The following SLC39A8 variants were observed in gnomAD, a reference collection of about 807,000 sequenced individuals.
SLC39A8 encodes metal cation symporter ZIP8.
A neutral mutation model predicts 40.4 loss-of-function variants in SLC39A8; 15 were observed. The observed-to-expected ratio is 0.37, with a 90% CI of 0.25 to 0.57. SLC39A8 has a LOEUF of 0.57. Ranked by LOEUF, SLC39A8 falls within the 20% of genes least tolerant of loss-of-function variation. The pLI is 0.75. For synonymous variants in SLC39A8, 223 were observed against 221.6 expected (o/e 1.01, Z -0.06); for missense variants, 472 against 558.8 (o/e 0.84, Z 1.57).
At position 102,327,192 on chromosome 4, in the gene SLC39A8, T is replaced by C. The variant is rs998103558; in HGVS notation, c.220-11362A>G. Among the ~76,000 whole-genome samples the C allele has an allele frequency of 4.6e-5, 7 of 151,854 alleles. No homozygotes were observed. The South Asian group carries it at 1.0e-3, about 23-fold the overall frequency. ...AGGAGGATCGCTTGAGCCCAGGAGG[T>C]CAAGGCTGCAGTGAGTCATGATCGT... On this transcript the variant is annotated intron_variant, in intron 2 of 8. Transcript: ENST00000356736.
intron 2 of SLC39A8, among the ~76,000 whole-genome samples, chr4:102,333,436 T>C (rs549627904): frequency 4.1e-4 from 62 of 152,272 alleles, no homozygotes; most frequent in African/African-American, 1.4e-3. Context: ...CTAAGAGATA[T>C]TTATAAGTTA....
intron 6 of SLC39A8, among the ~76,000 whole-genome samples, chr4:102,294,998 C>T (rs1733619467): frequency 6.6e-6 from 1 of 151,388 alleles, no homozygotes; most frequent in Non-Finnish European, 1.5e-5. Context: ...AGAAGGTAAA[C>T]AAACATAAGA....
At chr4:102,252,437 G>A (rs548051626) in exon 12 of SLC39A8, 80 of 152,434 alleles carry the variant, frequency 5.2e-4, no homozygotes, top group African/African-American at 1.9e-3. Flanking sequence ...AGACATCTGG[G>A]GACAGGGAGT....
intron 6 of SLC39A8, among the ~76,000 whole-genome samples, chr4:102,291,379 C>CT (rs1294041699): frequency 1.1e-4 from 16 of 151,902 alleles, no homozygotes; most frequent in Non-Finnish European, 1.5e-5. Flanking sequence ...GACCTCTCAC[C>CT]TTACCCACAG....
At position 102,329,398 on chromosome 4, in the gene SLC39A8, G is replaced by A. The variant is rs1047671531; in HGVS notation, c.220-13568C>T. Among the ~76,000 whole-genome samples the A allele has an allele frequency of 4.6e-5, 7 of 152,126 alleles. No individual in the cohort carries two copies. The East Asian group carries it at 9.7e-4, about 21-fold the overall frequency. On this transcript the variant is annotated intron_variant, in intron 2 of 8. Transcript: ENST00000356736. The stretch of plus-strand genomic sequence containing the variant: ...AGCACTTTGGGAGGCCACGGCAGGC[G>A]GATCACCTGATGTCAAGAGTTCAAG...
At chr4:102,318,089 C>T (rs761445801) in intron 2 of SLC39A8, among the ~76,000 whole-genome samples, 4 of 152,068 alleles carry the variant, frequency 2.6e-5, no homozygotes, top group Non-Finnish European at 4.4e-5. Context: ...ATGGCAGTCA[C>T]GAGCTTGAAT....
chr4:102,311,519 C>T (rs1450338185), intron 3 of SLC39A8, among the ~76,000 whole-genome samples: 4 of 151,992 alleles, frequency 2.6e-5, no homozygotes, highest in Non-Finnish European at 5.9e-5. Context: ...CAGAGTTGGA[C>T]AATATGATCT....
At chr4:102,335,866 C>A (rs1414215964) in intron 2 of SLC39A8, among the ~76,000 whole-genome samples, 1 of 152,042 alleles carries the variant, frequency 6.6e-6, no homozygotes, top group Non-Finnish European at 1.5e-5. Context: ...TCTCACTGAT[C>A]TTTTTTTTCA....
chr4:102,285,302 A>G (rs886543504), intron 6 of SLC39A8, among the ~76,000 whole-genome samples: 3 of 152,108 alleles, frequency 2.0e-5, no homozygotes, highest in African/African-American at 7.2e-5. Flanking sequence ...AAGGCAGGAG[A>G]ATGTCACCAC....
At chr4:102,340,258 G>T (rs1000817241) in intron 2 of SLC39A8, among the ~76,000 whole-genome samples, 1 of 152,120 alleles carries the variant, frequency 6.6e-6, no homozygotes, top group African/African-American at 2.4e-5. Flanking sequence ...ATCTTTTGGA[G>T]GGTAGAGAGA....
chr4:102,326,588 G>A (rs1414173617), intron 2 of SLC39A8, among the ~76,000 whole-genome samples: 2 of 152,088 alleles, frequency 1.3e-5, no homozygotes, highest in African/African-American at 4.8e-5. Flanking sequence ...AATTAGCATG[G>A]AATGGGTTTA....
intron 6 of SLC39A8, among the ~76,000 whole-genome samples, chr4:102,273,669 G>T (rs1292019507): frequency 6.6e-6 from 1 of 152,182 alleles, no homozygotes; most frequent in Non-Finnish European, 1.5e-5. Context: ...CTCCCAGCAG[G>T]GCTCAACAGA....
chr4:102,307,738 T>C (rs1032137922), intron 3 of SLC39A8, 133 bp from the exon 4 acceptor site: 2 of 817,664 alleles, frequency 2.4e-6, no homozygotes, highest in African/African-American at 3.5e-5. Context: ...CAAAATCTAC[T>C]CAATGAAAAG....
At chr4:102,313,312 T>C (rs191738780) in intron 3 of SLC39A8, among the ~76,000 whole-genome samples, 14 of 152,274 alleles carry the variant, frequency 9.2e-5, no homozygotes, top group South Asian at 6.2e-4. Flanking sequence ...GTCTACATCA[T>C]ATAGTTGCAT....
intron 2 of SLC39A8, among the ~76,000 whole-genome samples, chr4:102,333,139 A>G (rs372319194): frequency 6.6e-6 from 1 of 152,182 alleles, no homozygotes; most frequent in Non-Finnish European, 1.5e-5. Flanking sequence ...TGTTCTGCAC[A>G]TGTATCCCAG....
At chr4:102,268,222 T>C (rs1732194271) in intron 6 of SLC39A8, 143 bp from the exon 7 acceptor site, 2 of 761,292 alleles carry the variant, frequency 2.6e-6, no homozygotes, top group South Asian at 3.7e-5. Context: ...CCTAATAATA[T>C]ATAACAGAGC....
At chr4:102,274,088 C>T (rs183982745) in intron 6 of SLC39A8, among the ~76,000 whole-genome samples, 20 of 152,056 alleles carry the variant, frequency 1.3e-4, no homozygotes, top group South Asian at 1.0e-3. Flanking sequence ...CAAAATCAGA[C>T]GGAGAATAAG....
chr4:102,257,865 G>C (rs1269080178), downstream of SLC39A8, among the ~76,000 whole-genome samples: 1 of 152,166 alleles, frequency 6.6e-6, no homozygotes, highest in African/African-American at 2.4e-5. Context: ...CCTTTACAGT[G>C]AGCATGATAT....
At chr4:102,267,799 G>T (rs1473207849) in intron 7 of SLC39A8, 73 bp downstream of exon 7, 101 of 1,564,832 alleles carry the variant, frequency 6.5e-5, no homozygotes, top group Non-Finnish European at 8.3e-5. Context: ...TTAAGAGCAT[G>T]TCACCTGAAA....
Sources: gnomAD v4.1 joint callset for allele counts (sites outside exome capture counted in the v4.1 genomes callset) on GRCh38, gnomAD v4.1.1 for gene constraint, MANE v1.5 for transcripts, NCBI Gene and HGNC (gene_info 2026-07-23, HGNC 2026-07-21) for gene names.